The following CHEK2 variants were observed in gnomAD, a reference collection of about 807,000 sequenced individuals.
CHEK2 encodes the protein checkpoint kinase 2.
Under a neutral mutation model 69.1 loss-of-function variants are expected in CHEK2, and 71 were observed. That is an observed-to-expected ratio of 1.03 (90% CI 0.85 to 1.25). The LOEUF (loss-of-function observed/expected upper bound fraction) is 1.25, where lower values mean the gene tolerates loss of function less well. Among genes scored for constraint, CHEK2 ranks in the 50% most tolerant of loss-of-function variants. CHEK2 has a pLI of 0.00. For missense variants in CHEK2, 664 were observed against 649.6 expected, an observed-to-expected ratio of 1.02 and a Z score of -0.24; for synonymous variants, 189 against 226.9, an observed-to-expected ratio of 0.83 and a Z score of 1.50.
At chr22:28,718,228 A>G (rs1234588295) in intron 5 of CHEK2, among the ~76,000 whole-genome samples, 1 of 152,222 alleles carries the variant, frequency 6.6e-6, no homozygotes, top group East Asian at 1.9e-4. Context: ...CCACAATGAC[A>G]TCACCTGAAG....
chr22:28,707,831 T>TG (rs2053208986), intron 7 of CHEK2, among the ~76,000 whole-genome samples: 1 of 24,724 alleles, frequency 4.0e-5, no homozygotes, highest in Admixed American at 4.0e-4. Context: ...TGTGTTTATC[T>TG]TTTTTTTTTT....
intron 2 of CHEK2, chr22:28,730,606 C>A (rs1250084102): frequency 3.3e-5 from 20 of 613,548 alleles, no homozygotes; most frequent in Non-Finnish European, 5.8e-5. Flanking sequence ...GCCTGTAATC[C>A]CAGCACTTTG....
chr22:28,736,129 C>T (rs777043889), intron 1 of CHEK2, among the ~76,000 whole-genome samples: 5 of 152,038 alleles, frequency 3.3e-5, no homozygotes, highest in African/African-American at 9.7e-5. Flanking sequence ...TAAACTATGA[C>T]GTTTGGTATC....
At chr22:28,724,324 G>A (rs760023705) in intron 4 of CHEK2, among the ~76,000 whole-genome samples, 3 of 151,650 alleles carry the variant, frequency 2.0e-5, no homozygotes, top group South Asian at 2.1e-4. Flanking sequence ...AAGGAGAATC[G>A]CTTGAAACTG....
intron 5 of CHEK2, among the ~76,000 whole-genome samples, chr22:28,714,052 A>G (rs1296920593): frequency 6.6e-6 from 1 of 152,102 alleles, no homozygotes; most frequent in Non-Finnish European, 1.5e-5. Flanking sequence ...TGATAATTCT[A>G]TGTTTACCTT....
chr22:28,725,433 C>T (rs2053971318), intron 2 of CHEK2, 66 bp from the exon 3 acceptor site: 3 of 1,590,812 alleles, frequency 1.9e-6, no homozygotes, highest in Admixed American at 3.3e-5. Flanking sequence ...AAAAATTGCT[C>T]ATAAATGCTA....
rs766158073 is a variant in CHEK2 at position 28,696,989 on chromosome 22, T to C, written c.1009-2A>G. 1.2e-6 allele frequency: 2 copies of C among 1,603,580 alleles called. No individual in the cohort carries two copies. The highest frequency in any genetic ancestry group is 1.7e-6 in the Non-Finnish European group (2 of 1,170,524). On this transcript the variant is annotated splice_acceptor_variant, in intron 9 of 14. Transcript: ENST00000404276. LOFTEE classifies it high-confidence loss of function. The stretch of plus-strand genomic sequence containing the variant: ...TATAATACCGTTTTCATGAAGGTAC[T>C]ACACAGAAAGGCAGGCATGACCCTC...
intron 7 of CHEK2, among the ~76,000 whole-genome samples, chr22:28,708,504 C>T (rs909416780): frequency 1.3e-5 from 2 of 151,850 alleles, no homozygotes; most frequent in Non-Finnish European, 2.9e-5. Context: ...GAAGGTCAGC[C>T]ACTCAGGTTC....
intron 1 of CHEK2, 128 bp downstream of exon 1, chr22:28,741,641 G>A: frequency 5.7e-6 from 1 of 175,228 alleles, no homozygotes; most frequent in Non-Finnish European, 1.2e-5. Context: ...GAAGAGAGTC[G>A]CCCACACACT....
rs948074659 is a variant in CHEK2, at chr22:28,734,350, T to C, written c.319+53A>G. 3 of 1,569,750 alleles carry C rather than the reference T, an allele frequency of 1.9e-6. No individual in the cohort carries two copies. The African/African-American group carries it at 4.1e-5, about 21-fold the overall frequency. On this transcript the variant is annotated intron_variant, in intron 2 of 14. Coordinates refer to ENST00000404276, the MANE Select transcript of CHEK2 (RefSeq NM_007194.4). ...AACCTTCCACCTGGTAATACAACTT[T>C]CTGTAAGTGTTTTTCTGAACAAAAC...
chr22:28,715,193 T>C (rs2145976328), intron 5 of CHEK2, among the ~76,000 whole-genome samples: 1 of 152,172 alleles, frequency 6.6e-6, no homozygotes, highest in Middle Eastern at 3.4e-3. Context: ...CTGGTAGCCA[T>C]TTTTCCTACC....
intron 9 of CHEK2, among the ~76,000 whole-genome samples, chr22:28,699,357 T>TTTTTCTTTTC (rs1286604450): frequency 8.1e-6 from 1 of 123,496 alleles, no homozygotes. Context: ...CAGTGAGAGC[T>TTTTTCTTTTC]TTTTCTTTTT....
intron 1 of CHEK2, among the ~76,000 whole-genome samples, chr22:28,740,199 C>CA (rs17882761): frequency 0.02 from 3,070 of 151,846 alleles, 105 homozygotes; most frequent in African/African-American, 0.071. Context: ...GACTCTGTCT[C>CA]AAAAAAAACA....
Position 28,719,455 on chromosome 22 carries a change from TC to T in CHEK2, c.622del (p.Asp208IlefsTer9), listed in dbSNP as rs773955899. ...TAATGCCTTAGGATAAACTGACTGA[TC>T]ATCTACAGTCAGATCAAAAAAGACA... ...VFVFFDLTVD[D>X]QSVYPKALRD... On this transcript the variant is annotated frameshift_variant, in exon 5 of 15. Coordinates refer to ENST00000404276, the MANE Select transcript of CHEK2 (RefSeq NM_007194.4). LOFTEE classifies it high-confidence loss of function. 6.3e-7 allele frequency: 1 copy of T among 1,593,716 alleles called. No homozygotes were observed. The highest frequency in any genetic ancestry group is 2.2e-5 in the East Asian group (1 of 44,598).
chr22:28,740,666 A>G (rs1274334616), intron 1 of CHEK2, among the ~76,000 whole-genome samples: 1 of 152,186 alleles, frequency 6.6e-6, no homozygotes, highest in Non-Finnish European at 1.5e-5. Context: ...AGTACTACGG[A>G]AAATTGCTTC....
chr22:28,700,541 C>G (rs1180414197), intron 8 of CHEK2, among the ~76,000 whole-genome samples: 1 of 151,890 alleles, frequency 6.6e-6, no homozygotes, highest in African/African-American at 2.4e-5. Flanking sequence ...TATCACACAC[C>G]ACAGATGATT....
chr22:28,741,619 T>C (rs1377586796), intron 1 of CHEK2, 150 bp downstream of exon 1: 5 of 166,572 alleles, frequency 3.0e-5, no homozygotes, highest in Non-Finnish European at 5.3e-5. Context: ...TCGAGGATGA[T>C]CTACTGAAAA....
chr22:28,724,667 A>G, intron 4 of CHEK2: 1 of 380,378 alleles, frequency 2.6e-6, no homozygotes, highest in Admixed American at 3.7e-5. Context: ...CCCGGGTTCA[A>G]GCGATTCTCC....
rs563010883 is a variant in CHEK2 at position 28,716,181 on chromosome 22, T to A, written c.683+3214A>T. Reference sequence around the variant, plus strand: ...AGCCACCATACCCAGCCTCATACATTTCTTTTTTCTTTTTTCTCTTTTTTT... The same window carrying A: ...AGCCACCATACCCAGCCTCATACATATCTTTTTTCTTTTTTCTCTTTTTTT... On this transcript the variant is annotated intron_variant, in intron 5 of 14. Coordinates refer to ENST00000404276, the MANE Select transcript of CHEK2 (RefSeq NM_007194.4). 4.8e-5 allele frequency among the ~76,000 whole-genome samples: 7 copies of A among 145,804 alleles called. No homozygotes were observed. The South Asian group carries it at 1.5e-3, about 31-fold the overall frequency.
Sources: allele counts gnomAD v4.1 joint callset (sites outside exome capture counted in the v4.1 genomes callset), GRCh38; gene constraint gnomAD v4.1.1; transcripts MANE v1.5; gene names NCBI Gene and HGNC (gene_info 2026-07-23, HGNC 2026-07-21).